The following KCNIP4 variants were observed in gnomAD, a reference collection of about 807,000 sequenced individuals.
KCNIP4 encodes the protein Kv channel-interacting protein 4.
In KCNIP4, 12 loss-of-function variants were observed where a neutral mutation model predicts 34.0. The ratio of observed to expected loss-of-function variants is 0.35; its 90% confidence interval spans 0.23 to 0.57. KCNIP4 has a LOEUF of 0.57. KCNIP4 is among the 20% of genes least tolerant of loss of function. The probability of loss-of-function intolerance (pLI) is 0.83; values close to 1 mark genes in which losing one functional copy is unlikely to be tolerated. For missense variants in KCNIP4, 238 were observed against 311.7 expected, an observed-to-expected ratio of 0.76 and a Z score of 1.78; for synonymous variants, 124 against 102.2, an observed-to-expected ratio of 1.21 and a Z score of -1.29.
intron 1 of KCNIP4, among the ~76,000 whole-genome samples, chr4:21,279,263 G>C (rs1293128529): frequency 6.6e-6 from 1 of 152,082 alleles, no homozygotes; most frequent in African/African-American, 2.4e-5. Flanking sequence ...AGTTAGGGTA[G>C]GGTGGCACAA....
intron 1 of KCNIP4, among the ~76,000 whole-genome samples, chr4:21,308,671 T>C (rs1462658143): frequency 6.6e-6 from 1 of 151,962 alleles, no homozygotes; most frequent in Non-Finnish European, 1.5e-5. Context: ...CTTTCTGCAT[T>C]AATGTTAGAT....
At chr4:21,508,239 AG>A (rs146980193) in intron 1 of KCNIP4, among the ~76,000 whole-genome samples, 5,522 of 152,298 alleles carry the variant, frequency 0.036, 120 homozygotes, top group Non-Finnish European at 0.055. Context: ...ATGGTTTTCA[AG>A]GGAATCATTA....
At chr4:21,684,237 T>C (rs1560625944) in intron 1 of KCNIP4, among the ~76,000 whole-genome samples, 1 of 152,198 alleles carries the variant, frequency 6.6e-6, no homozygotes, top group Non-Finnish European at 1.5e-5. Flanking sequence ...TCTTATGCGT[T>C]TTAGAAGCTG....
chr4:21,226,448 T>C (rs1758414688), intron 1 of KCNIP4, among the ~76,000 whole-genome samples: 1 of 151,822 alleles, frequency 6.6e-6, no homozygotes, highest in Non-Finnish European at 1.5e-5. Context: ...GATGATACAA[T>C]TATGAACGTG....
chr4:21,659,574 T>C (rs1354211823), intron 1 of KCNIP4, among the ~76,000 whole-genome samples: 4 of 152,180 alleles, frequency 2.6e-5, no homozygotes, highest in African/African-American at 9.6e-5. Flanking sequence ...TAAGCCACCA[T>C]TTCTTCATCT....
chr4:21,458,645 C>T (rs971826171), intron 1 of KCNIP4, among the ~76,000 whole-genome samples: 5 of 152,076 alleles, frequency 3.3e-5, no homozygotes, highest in South Asian at 2.1e-4. Flanking sequence ...ACTTCCTGAT[C>T]GCTAACCTAA....
intron 1 of KCNIP4, among the ~76,000 whole-genome samples, chr4:20,924,136 T>C (rs904147548): frequency 2.6e-5 from 4 of 152,186 alleles, no homozygotes; most frequent in African/African-American, 4.8e-5. Flanking sequence ...TATTGGGACA[T>C]TGAATGCTAA....
intron 2 of KCNIP4, among the ~76,000 whole-genome samples, chr4:20,877,928 C>T (rs1354118213): frequency 6.6e-6 from 1 of 151,744 alleles, no homozygotes; most frequent in Admixed American, 6.6e-5. Flanking sequence ...TAAAACCTAT[C>T]CTCCTGCAGG....
intron 1 of KCNIP4, among the ~76,000 whole-genome samples, chr4:21,260,099 C>A (rs1184853452): frequency 1.3e-5 from 2 of 152,088 alleles, no homozygotes; most frequent in Non-Finnish European, 2.9e-5. Flanking sequence ...GTGAGATGGT[C>A]AGGAATTTAG....
intron 1 of KCNIP4, among the ~76,000 whole-genome samples, chr4:21,600,106 A>G (rs992037535): frequency 3.5e-4 from 53 of 152,094 alleles, no homozygotes; most frequent in African/African-American, 1.3e-3. Flanking sequence ...CTGCTAACCA[A>G]GTCCTCCCAC....
intron 1 of KCNIP4, among the ~76,000 whole-genome samples, chr4:21,411,449 G>T (rs978514754): frequency 1.3e-5 from 2 of 152,084 alleles, no homozygotes; most frequent in Admixed American, 6.5e-5. Context: ...AGTAAATGAA[G>T]TTCTATACCA....
intron 1 of KCNIP4, among the ~76,000 whole-genome samples, chr4:21,011,284 T>C (rs1739045131): frequency 6.6e-6 from 1 of 152,220 alleles, no homozygotes; most frequent in Non-Finnish European, 1.5e-5. Context: ...GTTTGCAATT[T>C]GTGTGACTGA....
intron 1 of KCNIP4, among the ~76,000 whole-genome samples, chr4:21,899,963 C>T (rs1215712310): frequency 6.7e-6 from 1 of 148,420 alleles, no homozygotes; most frequent in East Asian, 2.0e-4. Flanking sequence ...ATCCTGAATA[C>T]AAATGAAAAT....
chr4:21,521,042 C>A (rs1055095013), intron 1 of KCNIP4, among the ~76,000 whole-genome samples: 2 of 152,120 alleles, frequency 1.3e-5, no homozygotes, highest in African/African-American at 4.8e-5. Flanking sequence ...TTCTTCAATT[C>A]ATTTGTCCTT....
At chr4:21,824,786 T>C (rs1722575151) in intron 1 of KCNIP4, among the ~76,000 whole-genome samples, 1 of 152,130 alleles carries the variant, frequency 6.6e-6, no homozygotes, top group Admixed American at 6.6e-5. Flanking sequence ...AAGGAGAACC[T>C]GTTGGGCTGT....
intron 1 of KCNIP4, among the ~76,000 whole-genome samples, chr4:21,855,430 C>G (rs898147154): frequency 2.0e-5 from 3 of 152,190 alleles, no homozygotes; most frequent in Non-Finnish European, 2.9e-5. Context: ...AGCAATGGTA[C>G]CAGCGCATCC....
chr4:21,599,242 G>T (rs1742904194), intron 1 of KCNIP4, among the ~76,000 whole-genome samples: 1 of 151,930 alleles, frequency 6.6e-6, no homozygotes, highest in Non-Finnish European at 1.5e-5. Context: ...ACACATTTTT[G>T]AAAATTATTT....
chr4:21,079,213 A>G (rs527673798), intron 1 of KCNIP4, among the ~76,000 whole-genome samples: 1 of 151,932 alleles, frequency 6.6e-6, no homozygotes, highest in African/African-American at 2.4e-5. Flanking sequence ...CACATCTATG[A>G]CCCATTTTTT....
intron 1 of KCNIP4, among the ~76,000 whole-genome samples, chr4:21,873,781 A>G (rs889868965): frequency 6.6e-6 from 1 of 152,354 alleles, no homozygotes; most frequent in East Asian, 1.9e-4. Context: ...AGGAAGTTTC[A>G]AATAAATAGG....
Sources: gnomAD v4.1 joint callset for allele counts (sites outside exome capture counted in the v4.1 genomes callset) on GRCh38, gnomAD v4.1.1 for gene constraint, MANE v1.5 for transcripts, NCBI Gene and HGNC (gene_info 2026-07-23, HGNC 2026-07-21) for gene names.